The following TMEM108 variants were observed in gnomAD, a reference collection of about 807,000 sequenced individuals.
The protein encoded by TMEM108 is cancer/testis antigen 124.
A neutral mutation model predicts 35.1 loss-of-function variants in TMEM108; 12 were observed. The observed-to-expected ratio is 0.34, with a 90% CI of 0.22 to 0.55. TMEM108 has a LOEUF of 0.55. Ranked by LOEUF, TMEM108 falls within the 20% of genes least tolerant of loss-of-function variation. The pLI is 0.89. For synonymous variants in TMEM108, 287 were observed against 308.6 expected (o/e 0.93, Z 0.73); for missense variants, 680 against 753.3 (o/e 0.90, Z 1.14).
At chr3:133,186,202 A>T (rs993314830) in intron 2 of TMEM108, among the ~76,000 whole-genome samples, 1 of 152,196 alleles carries the variant, frequency 6.6e-6, no homozygotes, top group Non-Finnish European at 1.5e-5. Context: ...TAGAACTAAC[A>T]CTGTTCACTT....
intron 2 of TMEM108, among the ~76,000 whole-genome samples, chr3:133,193,352 T>G (rs1474348588): frequency 1.3e-5 from 2 of 152,214 alleles, no homozygotes; most frequent in African/African-American, 4.8e-5. Context: ...AAAGCATTTA[T>G]GAGGAGCCTG....
intron 3 of TMEM108, among the ~76,000 whole-genome samples, chr3:133,298,675 C>A (rs1422339645): frequency 1.3e-5 from 2 of 152,042 alleles, no homozygotes; most frequent in African/African-American, 4.8e-5. Context: ...TCACACTCAA[C>A]CATATTATGC....
chr3:133,383,480 G>T (rs1024690502), intron 4 of TMEM108, among the ~76,000 whole-genome samples: 1 of 152,178 alleles, frequency 6.6e-6, no homozygotes, highest in African/African-American at 2.4e-5. Flanking sequence ...GAGCATTAGG[G>T]AATCTGAGAT....
At chr3:133,202,656 C>T (rs1945687520) in intron 2 of TMEM108, among the ~76,000 whole-genome samples, 1 of 152,116 alleles carries the variant, frequency 6.6e-6, no homozygotes. Flanking sequence ...GTCTATATAT[C>T]TGTTTTGGTA....
chr3:133,098,712 C>T (rs540411721), intron 2 of TMEM108, among the ~76,000 whole-genome samples: 8 of 152,282 alleles, frequency 5.3e-5, no homozygotes, highest in African/African-American at 1.9e-4. Context: ...CCATGCAAGT[C>T]TGAAATCCAG....
At chr3:133,362,356 A>G (rs1281431128) in intron 3 of TMEM108, among the ~76,000 whole-genome samples, 1 of 152,162 alleles carries the variant, frequency 6.6e-6, no homozygotes, top group Non-Finnish European at 1.5e-5. Context: ...CTCCACAGTG[A>G]TGATGTCCCA....
chr3:133,178,189 C>T (rs1163522960), intron 2 of TMEM108, among the ~76,000 whole-genome samples: 3 of 152,152 alleles, frequency 2.0e-5, no homozygotes, highest in Admixed American at 6.6e-5. Flanking sequence ...GAAGAACATT[C>T]CATACTCATG....
chr3:133,082,694 C>T (rs1383219508), intron 2 of TMEM108, among the ~76,000 whole-genome samples: 1 of 152,016 alleles, frequency 6.6e-6, no homozygotes, highest in East Asian at 1.9e-4. Context: ...CCCTGTCTGC[C>T]AGGCTGGAGT....
intron 2 of TMEM108, among the ~76,000 whole-genome samples, chr3:133,152,765 C>G (rs2107769345): frequency 6.6e-6 from 1 of 152,130 alleles, no homozygotes; most frequent in South Asian, 2.1e-4. Context: ...AAAAGAGAAC[C>G]AATTTAAATT....
chr3:133,254,814 T>C (rs1399218280), intron 3 of TMEM108, among the ~76,000 whole-genome samples: 1 of 152,214 alleles, frequency 6.6e-6, no homozygotes, highest in Admixed American at 6.5e-5. Context: ...GGAAGAATGA[T>C]TTGTCTCTGT....
chr3:133,207,063 T>C (rs1387638616), intron 2 of TMEM108, among the ~76,000 whole-genome samples: 1 of 152,210 alleles, frequency 6.6e-6, no homozygotes, highest in Non-Finnish European at 1.5e-5. Flanking sequence ...GTGGTGGGGC[T>C]CTGCCCAGTT....
intron 3 of TMEM108, among the ~76,000 whole-genome samples, chr3:133,359,344 C>T (rs1464897145): frequency 2.0e-5 from 3 of 152,150 alleles, no homozygotes; most frequent in African/African-American, 7.2e-5. Flanking sequence ...CCATAGTTTG[C>T]AGCATTTTCC....
At chr3:133,088,045 G>A (rs2107704061) in intron 2 of TMEM108, among the ~76,000 whole-genome samples, 2 of 152,314 alleles carry the variant, frequency 1.3e-5, no homozygotes, top group Admixed American at 1.3e-4. Flanking sequence ...TGTTGAAATT[G>A]ACTTTAGCGT....
intron 2 of TMEM108, among the ~76,000 whole-genome samples, chr3:133,167,164 G>A (rs1222113049): frequency 6.6e-6 from 1 of 152,218 alleles, no homozygotes; most frequent in South Asian, 2.1e-4. Flanking sequence ...GCACTGATTG[G>A]TGCGTTTACA....
intron 3 of TMEM108, among the ~76,000 whole-genome samples, chr3:133,302,403 T>C (rs1947238620): frequency 1.5e-5 from 2 of 132,180 alleles, no homozygotes; most frequent in Admixed American, 1.7e-4. Context: ...TGAATTTTCT[T>C]TTTCTTTCTT....
At chr3:133,165,792 T>A (rs1376660302) in intron 2 of TMEM108, among the ~76,000 whole-genome samples, 1 of 152,202 alleles carries the variant, frequency 6.6e-6, no homozygotes, top group African/African-American at 2.4e-5. Context: ...GAGGGGGCTA[T>A]GAATATTCAT....
intron 2 of TMEM108, among the ~76,000 whole-genome samples, chr3:133,178,540 C>G (rs1001597164): frequency 3.9e-5 from 6 of 152,030 alleles, no homozygotes; most frequent in South Asian, 2.1e-4. Flanking sequence ...ACAAACCTGA[C>G]AAAAACAAGC....
At chr3:133,114,827 G>A (rs1413210872) in intron 2 of TMEM108, among the ~76,000 whole-genome samples, 1 of 152,078 alleles carries the variant, frequency 6.6e-6, no homozygotes, top group East Asian at 1.9e-4. Context: ...GTTTTATCTA[G>A]TCAGTGAATT....
At chr3:133,154,610 G>A (rs541683710) in intron 2 of TMEM108, among the ~76,000 whole-genome samples, 290 of 151,610 alleles carry the variant, frequency 1.9e-3, no homozygotes, top group Non-Finnish European at 3.1e-3. Context: ...CTATCGCAAG[G>A]ACAAAAAACC....
Sources: allele counts gnomAD v4.1 joint callset (sites outside exome capture counted in the v4.1 genomes callset), GRCh38; gene constraint gnomAD v4.1.1; transcripts MANE v1.5; gene names NCBI Gene and HGNC (gene_info 2026-07-23, HGNC 2026-07-21).